The following PVT1 variants were observed in gnomAD, a reference collection of about 807,000 sequenced individuals.
PVT1 encodes the protein Pvt1 oncogene, also known as CXCR4/PVT1 fusion.
chr8:127,820,130 C>T (rs1053355834), intron 2 of PVT1, among the ~76,000 whole-genome samples: 3 of 152,134 alleles, frequency 2.0e-5, no homozygotes, highest in South Asian at 4.1e-4. Context: ...TCAAGGCCAG[C>T]GGTCCAGCAC....
At chr8:127,990,680 A>G (rs1008109951) in intron 4 of PVT1, among the ~76,000 whole-genome samples, 8 of 152,230 alleles carry the variant, frequency 5.3e-5, no homozygotes, top group African/African-American at 1.9e-4. Context: ...TACATATGTC[A>G]TCTTCATCTT....
At chr8:127,839,513 G>T (rs1358378654) in intron 2 of PVT1, among the ~76,000 whole-genome samples, 2 of 148,364 alleles carry the variant, frequency 1.3e-5, no homozygotes, top group African/African-American at 5.0e-5. Flanking sequence ...TTGTGCCACT[G>T]CACTCCAGCC....
At chr8:127,889,031 TCTTTCTTTCTTC>T (rs1201098631) in intron 2 of PVT1, among the ~76,000 whole-genome samples, 20 of 61,012 alleles carry the variant, frequency 3.3e-4, no homozygotes, top group African/African-American at 6.3e-4. Flanking sequence ...TTCCTTTCTC[TCTTTCTTTCTTC>T]CTTCCTTCCT....
intron 2 of PVT1, among the ~76,000 whole-genome samples, chr8:127,878,680 G>A (rs1815431742): frequency 6.6e-6 from 1 of 152,178 alleles, no homozygotes; most frequent in Non-Finnish European, 1.5e-5. Flanking sequence ...GCTATCGTGA[G>A]GTAACCCTGG....
chr8:127,914,860 C>T (rs972857879), intron 3 of PVT1, among the ~76,000 whole-genome samples: 3 of 149,590 alleles, frequency 2.0e-5, no homozygotes, highest in Admixed American at 1.3e-4. Flanking sequence ...TCTTGTTTCC[C>T]AGGCTGGAGT....
At chr8:127,908,750 C>T (rs73707118) in intron 3 of PVT1, among the ~76,000 whole-genome samples, 1,938 of 152,246 alleles carry the variant, frequency 0.013, 45 homozygotes, top group African/African-American at 0.044. Flanking sequence ...GACTTTGAGT[C>T]GGATGGAGGA....
intron 3 of PVT1, among the ~76,000 whole-genome samples, chr8:127,896,361 A>G (rs781652815): frequency 1.8e-4 from 27 of 152,094 alleles, no homozygotes; most frequent in Non-Finnish European, 3.2e-4. Flanking sequence ...ACAGGCCTCA[A>G]TGCTAACTTG....
At chr8:127,952,379 G>T (rs1429795438) in intron 3 of PVT1, among the ~76,000 whole-genome samples, 6 of 152,174 alleles carry the variant, frequency 3.9e-5, no homozygotes, top group African/African-American at 1.4e-4. Flanking sequence ...GATCATGTCT[G>T]TTAAAGCCCT....
At chr8:127,933,117 C>G (rs1462329067) in intron 3 of PVT1, among the ~76,000 whole-genome samples, 1 of 152,080 alleles carries the variant, frequency 6.6e-6, no homozygotes, top group Non-Finnish European at 1.5e-5. Context: ...CTCTTGTTGC[C>G]CAAGCTGGAG....
intron 3 of PVT1, among the ~76,000 whole-genome samples, chr8:127,988,797 C>T (rs79794226): frequency 0.019 from 2,911 of 152,222 alleles, 39 homozygotes; most frequent in South Asian, 0.034. Context: ...TTCCTCTCTA[C>T]CTAGTATTCT....
At chr8:127,969,840 C>A (rs1816743483) in intron 3 of PVT1, among the ~76,000 whole-genome samples, 1 of 152,102 alleles carries the variant, frequency 6.6e-6, no homozygotes, top group Non-Finnish European at 1.5e-5. Flanking sequence ...GGGATTGAAC[C>A]CTGGCCTGTC....
At chr8:127,861,801 T>A (rs1586411169) in intron 2 of PVT1, among the ~76,000 whole-genome samples, 2 of 152,344 alleles carry the variant, frequency 1.3e-5, no homozygotes, top group East Asian at 3.9e-4. Flanking sequence ...GAGCAGGTAC[T>A]GGGCGCATGT....
At chr8:128,099,793 A>G (rs559965670) in intron 6 of PVT1, 1 of 151,860 alleles carries the variant, frequency 6.6e-6, no homozygotes, top group Non-Finnish European at 1.5e-5. Context: ...TGTTTTCTAG[A>G]ACGTTCTTTT....
chr8:127,967,976 C>T lies in PVT1; in HGVS notation n.783-21186C>T, dbSNP rs143627816. On this transcript the variant is annotated intron_variant and non_coding_transcript_variant, in intron 3 of 10. Coordinates refer to ENST00000651587, the Ensembl canonical transcript of PVT1. ...GCTTTGGGTTTGAAGGCTCCGGAAA[C>T]GTATGACTTTGGAGCACTCATTCCT... 1.9e-4 allele frequency among the ~76,000 whole-genome samples: 28 copies of T among 151,282 alleles called. No homozygotes were observed. The East Asian group carries it at 4.2e-3, about 23-fold the overall frequency.
In PVT1 at chr8:127,895,325, G is replaced by T. The variant is rs575334510; in HGVS notation, n.782+4327G>T. ...ATCACTACTAAAAATAGAAAAATTA[G>T]CTGGGTGTGGTGGCATGCGCCTGTA... On this transcript the variant is annotated intron_variant and non_coding_transcript_variant, in intron 3 of 10. Coordinates refer to ENST00000651587, the Ensembl canonical transcript of PVT1. 2.6e-5 allele frequency among the ~76,000 whole-genome samples: 4 copies of T among 152,208 alleles called. No homozygotes were observed. In the East Asian group the frequency reaches 7.7e-4, roughly 29 times the overall value.
At chr8:127,894,209 A>G (rs1815645563) in intron 3 of PVT1, among the ~76,000 whole-genome samples, 2 of 152,158 alleles carry the variant, frequency 1.3e-5, no homozygotes, top group African/African-American at 2.4e-5. Context: ...ATGGCCTGGC[A>G]TCTTGGACCT....
intron 3 of PVT1, among the ~76,000 whole-genome samples, chr8:127,923,046 G>A (rs946426210): frequency 5.9e-5 from 9 of 152,172 alleles, no homozygotes; most frequent in South Asian, 2.1e-4. Context: ...TGTATATCTC[G>A]TTTGTATCAT....
At chr8:127,821,327 T>A (rs1254086518) in intron 2 of PVT1, among the ~76,000 whole-genome samples, 1 of 152,216 alleles carries the variant, frequency 6.6e-6, no homozygotes, top group Non-Finnish European at 1.5e-5. Context: ...AATTAAAATA[T>A]GTTGTATATG....
chr8:127,876,882 G>C (rs1401610906), intron 2 of PVT1, among the ~76,000 whole-genome samples: 1 of 152,230 alleles, frequency 6.6e-6, no homozygotes, highest in Non-Finnish European at 1.5e-5. Context: ...GGGCAAGCTA[G>C]ATGGCTGCCA....
Sources: gnomAD v4.1 joint callset for allele counts (sites outside exome capture counted in the v4.1 genomes callset) on GRCh38, gnomAD v4.1.1 for gene constraint, MANE v1.5 for transcripts, NCBI Gene and HGNC (gene_info 2026-07-23, HGNC 2026-07-21) for gene names.